Variants in OLFM4 observed in about 807,000 individuals in gnomAD.
OLFM4 encodes olfactomedin-4.
Under a neutral mutation model 25.5 loss-of-function variants are expected in OLFM4, and 22 were observed. The ratio of observed to expected loss-of-function variants is 0.86; its 90% confidence interval spans 0.62 to 1.23. The LOEUF is 1.23. Among genes scored for constraint, OLFM4 ranks in the 50% most tolerant of loss-of-function variants. The pLI, the probability that OLFM4 is intolerant of heterozygous loss-of-function variation, is 0.00. For synonymous variants in OLFM4, 255 were observed against 237.7 expected, an observed-to-expected ratio of 1.07 and a Z score of -0.67; for missense variants, 594 against 619.4, an observed-to-expected ratio of 0.96 and a Z score of 0.44.
intron 1 of OLFM4, among the ~76,000 whole-genome samples, chr13:53,032,372 TAAG>T (rs1954633639): frequency 6.6e-6 from 1 of 152,202 alleles, no homozygotes; most frequent in Admixed American, 6.5e-5. Flanking sequence ...GTTATTATAA[TAAG>T]CTATTTCTTC....
intron 3 of OLFM4, 74 bp downstream of exon 3, chr13:53,042,196 A>G (rs1954691052): frequency 2.4e-6 from 3 of 1,257,916 alleles, no homozygotes; most frequent in Middle Eastern, 1.9e-4. Flanking sequence ...TACTAGTACC[A>G]GGAAGTGAAA....
At chr13:53,038,265 C>A (rs111258402) in intron 2 of OLFM4, among the ~76,000 whole-genome samples, 1 of 152,150 alleles carries the variant, frequency 6.6e-6, no homozygotes, top group African/African-American at 2.4e-5. Flanking sequence ...CCACCACTAC[C>A]GCCCTCCCTC....
At chr13:53,048,212 T>C (rs1954725720) in intron 4 of OLFM4, among the ~76,000 whole-genome samples, 1 of 152,222 alleles carries the variant, frequency 6.6e-6, no homozygotes, top group Non-Finnish European at 1.5e-5. Flanking sequence ...TAATAATTTA[T>C]AATTTTATTT....
intron 4 of OLFM4, among the ~76,000 whole-genome samples, chr13:53,047,369 A>G (rs1371078575): frequency 2.6e-5 from 4 of 152,136 alleles, no homozygotes; most frequent in South Asian, 2.1e-4. Flanking sequence ...ATCGTGTCCA[A>G]GATGGTTTGC....
chr13:53,051,549 C>G lies in OLFM4; in HGVS notation c.*778C>G, dbSNP rs543735197. 2 of 152,238 alleles carry G rather than the reference C, an allele frequency of 1.3e-5. No homozygotes were observed. Among genetic ancestry groups the G allele is most frequent in the Admixed American group, 6.5e-5 (1 of 15,290 alleles). The allele number at this position is 152,238 out of a possible 1,614,324, so 9.4% of individuals were successfully genotyped here. On this transcript the variant is annotated 3_prime_UTR_variant, in exon 5 of 5. Coordinates refer to ENST00000219022, the MANE Select transcript of OLFM4 (RefSeq NM_006418.5). ...AGACTTACTAACCAATTCCACCCCC[C>G]ACCAACCCCCTTCTACTGCCTACTT...
At chr13:53,043,357 G>C in intron 4 of OLFM4, 93 bp downstream of exon 4, 7 of 704,842 alleles carry the variant, frequency 9.9e-6, no homozygotes, top group South Asian at 4.3e-5. Context: ...AATGGTGAAA[G>C]AAGAAGGTGG....
chr13:53,050,151 CTG>C lies in OLFM4; in HGVS notation c.915_916del (p.Tyr306GlnfsTer5), dbSNP rs1954738439. ...TDGRLLEYYRLYNTLDDLLLY... is the reference protein window; with the variant it reads ...TDGRLLEYYRXYNTLDDLLLY... ...TGGGAGACTGTTGGAGTATTATAGA[CTG>C]TACAACACACTGGATGATTTGCTAT... On this transcript the variant is annotated frameshift_variant, in exon 5 of 5. Transcript: ENST00000219022. LOFTEE classifies it low-confidence loss of function (END_TRUNC). The C allele has an allele frequency of 6.2e-6, 10 of 1,613,878 alleles. No homozygotes were observed. Among genetic ancestry groups the C allele is most frequent in the East Asian group, 4.5e-5 (2 of 44,890 alleles).
chr13:53,050,645 T>C lies in OLFM4; in HGVS notation c.1407T>C (p.Ile469=). 6.2e-7 allele frequency: 1 copy of C among 1,613,990 alleles called. No individual in the cohort carries two copies. Among genetic ancestry groups the C allele is most frequent in the Non-Finnish European group, 8.5e-7 (1 of 1,179,950 alleles). ...TNTGKEGKLD[I]VMHKMQEKVQ... is the part of the protein sequence containing the mutation. ...CAGGGAAAGAGGGCAAACTAGACAT[T>C]GTAATGCATAAGATGCAGGAAAAAG... Residue 469 remains isoleucine, a synonymous_variant, in exon 5 of 5, where the codon ATT becomes ATC. Coordinates refer to ENST00000219022, the MANE Select transcript of OLFM4 (RefSeq NM_006418.5).
chr13:53,048,791 T>A (rs1451786017), intron 4 of OLFM4, among the ~76,000 whole-genome samples: 1 of 152,186 alleles, frequency 6.6e-6, no homozygotes, highest in Non-Finnish European at 1.5e-5. Flanking sequence ...TGCTCTGCTC[T>A]GAGCAGCAGG....
intron 2 of OLFM4, among the ~76,000 whole-genome samples, chr13:53,038,945 C>T (rs1954673515): frequency 6.6e-6 from 1 of 152,236 alleles, no homozygotes; most frequent in African/African-American, 2.4e-5. Flanking sequence ...CACCACTGAG[C>T]ATCCTTTAAG....
chr13:53,036,604 C>T (rs895873104), intron 2 of OLFM4, among the ~76,000 whole-genome samples: 3 of 151,986 alleles, frequency 2.0e-5, no homozygotes, highest in South Asian at 4.2e-4. Context: ...CTGAATGTGT[C>T]GGTGGCTGCT....
chr13:53,039,700 C>T (rs1954677744), intron 2 of OLFM4, among the ~76,000 whole-genome samples: 1 of 152,116 alleles, frequency 6.6e-6, no homozygotes, highest in Admixed American at 6.6e-5. Context: ...AACCAATCCA[C>T]CATGGATACT....
At chr13:53,048,233 CA>C in intron 4 of OLFM4, among the ~76,000 whole-genome samples, 1 of 152,228 alleles carries the variant, frequency 6.6e-6, no homozygotes, top group South Asian at 2.1e-4. Context: ...ATTATTTCTT[CA>C]GTGGAGAATA....
chr13:53,037,454 A>G (rs1296930361), intron 2 of OLFM4, among the ~76,000 whole-genome samples: 3 of 152,242 alleles, frequency 2.0e-5, no homozygotes, highest in African/African-American at 4.8e-5. Context: ...CCGTATTTGT[A>G]TAGTGAAATA....
At chr13:53,049,245 G>T (rs192471216) in intron 4 of OLFM4, among the ~76,000 whole-genome samples, 2 of 152,296 alleles carry the variant, frequency 1.3e-5, no homozygotes, top group Admixed American at 6.5e-5. Context: ...TTATTGATGG[G>T]CTGTGCATTG....
At chr13:53,034,184 G>GA (rs1455522901) in intron 1 of OLFM4, among the ~76,000 whole-genome samples, 164 bp from the exon 2 acceptor site, 1 of 151,926 alleles carries the variant, frequency 6.6e-6, no homozygotes, top group African/African-American at 2.4e-5. Flanking sequence ...CCCCACCTGT[G>GA]AAAACAAAGC....
chr13:53,034,507 A>AT lies in OLFM4; in HGVS notation c.357+11dup. On this transcript the variant is annotated splice_region_variant and intron_variant, in intron 2 of 4. Coordinates refer to ENST00000219022, the MANE Select transcript of OLFM4 (RefSeq NM_006418.5). ...TGAGAAAGAACTTTCCAAAGTAAGC[A>AT]TTTTCTTTTCAAACAATATCTTGAT... is the stretch of plus-strand genomic sequence containing the variant. 6.3e-7 allele frequency: 1 copy of AT among 1,599,260 alleles called. No individual in the cohort carries two copies. Among genetic ancestry groups the AT allele is most frequent in the Admixed American group, 1.8e-5 (1 of 56,582 alleles).
chr13:53,047,010 C>G (rs1224219451), intron 4 of OLFM4, among the ~76,000 whole-genome samples: 2 of 152,184 alleles, frequency 1.3e-5, no homozygotes, highest in African/African-American at 4.8e-5. Flanking sequence ...CTGCTTAACA[C>G]CAAATTATTT....
At chr13:53,037,157 T>C (rs1954663326) in intron 2 of OLFM4, among the ~76,000 whole-genome samples, 1 of 152,222 alleles carries the variant, frequency 6.6e-6, no homozygotes, top group Admixed American at 6.5e-5. Context: ...CTGCCTTACA[T>C]TGATTCATTG....
Sources: gnomAD v4.1 joint callset for allele counts (sites outside exome capture counted in the v4.1 genomes callset) on GRCh38, gnomAD v4.1.1 for gene constraint, MANE v1.5 for transcripts, NCBI Gene and HGNC (gene_info 2026-07-23, HGNC 2026-07-21) for gene names.